Variants in CTNNA3 observed in about 807,000 individuals in gnomAD.
CTNNA3 encodes catenin alpha-3.
A neutral mutation model predicts 95.7 loss-of-function variants in CTNNA3; 76 were observed. The observed-to-expected ratio is 0.79, with a 90% CI of 0.66 to 0.96. The LOEUF (loss-of-function observed/expected upper bound fraction) is 0.96. Ranked by LOEUF, CTNNA3 falls within the 40% of genes least tolerant of loss-of-function variation. The pLI, the probability that CTNNA3 is intolerant of heterozygous loss-of-function variation, is 0.00. For missense variants in CTNNA3, 1,191 were observed against 1,089.8 expected (o/e 1.09, Z -1.31); for synonymous variants, 431 against 374.4 (o/e 1.15, Z -1.74).
At chr10:66,354,835 G>C (rs2092596658) in intron 12 of CTNNA3, among the ~76,000 whole-genome samples, 1 of 151,992 alleles carries the variant, frequency 6.6e-6, no homozygotes, top group African/African-American at 2.4e-5. Context: ...ACCCAGCATA[G>C]TGCCTGATGC....
Position 66,162,906 on chromosome 10 carries a change from G to C in CTNNA3, c.1885-59657C>G, listed in dbSNP as rs535688524. The stretch of plus-strand genomic sequence containing the variant: ...GCTGCAGCTGCTGTGGGGGGTGGGG[G>C]TAAGATTCCCAGGTCACTGGAGTTG... On this transcript the variant is annotated intron_variant, in intron 13 of 17. Transcript: ENST00000433211. Among the ~76,000 whole-genome samples the C allele has an allele frequency of 2.0e-3, 308 of 151,800 alleles. 1 individual carries two copies. The highest frequency in any genetic ancestry group is 6.9e-3 in the African/African-American group (287 of 41,402).
intron 9 of CTNNA3, among the ~76,000 whole-genome samples, chr10:66,735,478 C>T (rs1319858227): frequency 6.6e-6 from 1 of 151,834 alleles, no homozygotes; most frequent in East Asian, 1.9e-4. Flanking sequence ...TTCAAACATA[C>T]TAAGATTTAA....
At chr10:66,685,373 T>A (rs1183283312) in intron 9 of CTNNA3, among the ~76,000 whole-genome samples, 1 of 54,190 alleles carries the variant, frequency 1.8e-5, no homozygotes, top group African/African-American at 8.4e-5. Flanking sequence ...TTTTTTTTTT[T>A]TTTTTTTTTT....
intron 7 of CTNNA3, chr10:66,926,675 TA>T: frequency 6.9e-7 from 1 of 1,442,826 alleles, no homozygotes; most frequent in South Asian, 1.2e-5. Flanking sequence ...TTAATTATTT[TA>T]GAGATTACCT....
At chr10:67,645,959 T>G (rs1203275870) in intron 2 of CTNNA3, among the ~76,000 whole-genome samples, 2 of 148,216 alleles carry the variant, frequency 1.3e-5, no homozygotes, top group Non-Finnish European at 3.0e-5. Flanking sequence ...ATATATAATA[T>G]ATATACGTGT....
chr10:67,739,482 C>T (rs1356942547), intron 1 of CTNNA3, among the ~76,000 whole-genome samples: 1 of 152,002 alleles, frequency 6.6e-6, no homozygotes, highest in East Asian at 1.9e-4. Context: ...AATCAGTGTG[C>T]AAAAATCACA....
intron 1 of CTNNA3, among the ~76,000 whole-genome samples, chr10:67,655,150 A>C (rs545683413): frequency 6.6e-6 from 1 of 152,196 alleles, no homozygotes; most frequent in Non-Finnish European, 1.5e-5. Flanking sequence ...ACACATACAC[A>C]CAGGTGTGCA....
At chr10:67,745,796 A>T (rs1433540895) in intron 1 of CTNNA3, among the ~76,000 whole-genome samples, 1 of 152,148 alleles carries the variant, frequency 6.6e-6, no homozygotes, top group South Asian at 2.1e-4. Context: ...AATCTGAAAA[A>T]GAAATTAAGA....
chr10:66,094,810 G>A (rs906301857), intron 14 of CTNNA3, among the ~76,000 whole-genome samples: 7 of 151,978 alleles, frequency 4.6e-5, no homozygotes, highest in African/African-American at 1.7e-4. Flanking sequence ...TTTAACTTTG[G>A]TGCAATTCTT....
intron 5 of CTNNA3, among the ~76,000 whole-genome samples, chr10:67,421,712 C>T (rs1285928293): frequency 6.6e-6 from 1 of 152,094 alleles, no homozygotes; most frequent in Non-Finnish European, 1.5e-5. Flanking sequence ...ATGAAAGAAG[C>T]TAATCAGATT....
intron 15 of CTNNA3, among the ~76,000 whole-genome samples, chr10:66,021,286 C>G (rs2079200047): frequency 6.6e-6 from 1 of 152,064 alleles, no homozygotes. Flanking sequence ...TGAATTTATC[C>G]AATCTTTTTT....
chr10:66,446,080 T>C (rs1564971601), intron 11 of CTNNA3, among the ~76,000 whole-genome samples: 4 of 152,070 alleles, frequency 2.6e-5, no homozygotes, highest in African/African-American at 4.8e-5. Context: ...CTAGAAGAAA[T>C]GGATAAATTC....
chr10:66,428,629 T>G (rs963758674), intron 11 of CTNNA3, among the ~76,000 whole-genome samples: 7 of 142,596 alleles, frequency 4.9e-5, no homozygotes, highest in African/African-American at 1.0e-4. Context: ...ACATGGAAAC[T>G]GAACAACCTG....
At chr10:67,307,085 A>T (rs1352510182) in intron 5 of CTNNA3, among the ~76,000 whole-genome samples, 1 of 152,220 alleles carries the variant, frequency 6.6e-6, no homozygotes, top group Non-Finnish European at 1.5e-5. Flanking sequence ...CCTGAATTCA[A>T]ACTCTGGCAT....
intron 9 of CTNNA3, among the ~76,000 whole-genome samples, chr10:66,683,768 CA>C (rs1231729296): frequency 3.9e-5 from 6 of 152,108 alleles, no homozygotes; most frequent in African/African-American, 1.4e-4. Context: ...TCTTGAATGA[CA>C]GCCAATCTAA....
At chr10:66,485,442 G>A (rs1055324638) in intron 11 of CTNNA3, among the ~76,000 whole-genome samples, 17 of 152,050 alleles carry the variant, frequency 1.1e-4, no homozygotes, top group African/African-American at 2.9e-4. Flanking sequence ...GTTTCTCTAC[G>A]CTAACAGGGA....
intron 13 of CTNNA3, among the ~76,000 whole-genome samples, chr10:66,179,382 G>A (rs990822997): frequency 6.6e-6 from 1 of 152,058 alleles, no homozygotes; most frequent in South Asian, 2.1e-4. Context: ...TTGGGAGTTG[G>A]AGGGAAGTAT....
chr10:66,073,366 A>G (rs1250894392), intron 14 of CTNNA3, among the ~76,000 whole-genome samples: 1 of 152,154 alleles, frequency 6.6e-6, no homozygotes, highest in Non-Finnish European at 1.5e-5. Context: ...CAGCTACGCT[A>G]CTTTCATGAC....
intron 5 of CTNNA3, among the ~76,000 whole-genome samples, chr10:67,408,503 T>C (rs372589859): frequency 6.6e-6 from 1 of 152,156 alleles, no homozygotes; most frequent in Non-Finnish European, 1.5e-5. Context: ...CCCTATTTAA[T>C]AAATGGTTCT....
Sources: gnomAD v4.1 joint callset for allele counts (sites outside exome capture counted in the v4.1 genomes callset) on GRCh38, gnomAD v4.1.1 for gene constraint, MANE v1.5 for transcripts, NCBI Gene and HGNC (gene_info 2026-07-23, HGNC 2026-07-21) for gene names.